DOK2: variants seen among roughly 807,000 people sequenced by gnomAD.
DOK2 encodes the protein docking protein 2, 56kD.
Under a neutral mutation model 26.0 loss-of-function variants are expected in DOK2, and 28 were observed. That is an observed-to-expected ratio of 1.08 (90% CI 0.80 to 1.48). The LOEUF (loss-of-function observed/expected upper bound fraction) is 1.48. Ranked by LOEUF, DOK2 falls within the 40% of genes most tolerant of loss-of-function variation. DOK2 has a pLI of 0.00. For missense variants in DOK2, 682 were observed against 558.2 expected (o/e 1.22, Z -2.23); for synonymous variants, 282 against 236.9 (o/e 1.19, Z -1.75).
chr8:21,910,664 C>T lies in DOK2; in HGVS notation c.618+9G>A. 3 of 1,613,814 alleles carry T rather than the reference C, an allele frequency of 1.9e-6. No individual in the cohort carries two copies. Among genetic ancestry groups the T allele is most frequent in the Non-Finnish European group, 2.5e-6 (3 of 1,180,006 alleles). Reference sequence around the variant, plus strand: ...CTCTCAACCTGCCCTGATGCAGCTTCCCACTCACCTTGTCCCGCCCAAAGC... The same window carrying T: ...CTCTCAACCTGCCCTGATGCAGCTTTCCACTCACCTTGTCCCGCCCAAAGC... On this transcript the variant is annotated intron_variant, in intron 4 of 4. Transcript: ENST00000276420.
At chr8:21,913,129 A>G (rs1809921944) in intron 1 of DOK2, among the ~76,000 whole-genome samples, 1 of 152,058 alleles carries the variant, frequency 6.6e-6, no homozygotes, top group South Asian at 2.1e-4. Flanking sequence ...CCCCAGCCCA[A>G]GCTGAACACC....
At position 21,912,373 on chromosome 8, in the gene DOK2, C is replaced by G. The variant is rs1415886334; in HGVS notation, c.201G>C (p.Arg67=). 6.2e-7 allele frequency: 1 copy of G among 1,605,498 alleles called. No individual in the cohort carries two copies. Among genetic ancestry groups the G allele is most frequent in the Non-Finnish European group, 8.5e-7 (1 of 1,177,540 alleles). ...RKVIRLSDCL[R]VAEAGGEASS... is the part of the protein sequence containing the mutation. ...TGGCCTCTCCGCCGGCCTCGGCCAC[C>G]CGCAGGCAGTCACTGAGGCGGATGA... Residue 67 remains arginine (R), a synonymous_variant, in exon 2 of 5, where the codon CGG becomes CGC. Transcript: ENST00000276420.
chr8:21,909,611 GTTC>G lies in DOK2; in HGVS notation c.936_938del (p.Lys312del). ...GAGGGACTGCCAAGATGCCCCTGAA[GTTC>G]TTCCCCAAGGAACGGGCCACCGCAT... On this transcript the variant is annotated inframe_deletion, in exon 5 of 5. Coordinates refer to ENST00000276420, the MANE Select transcript of DOK2 (RefSeq NM_003974.4). 6.2e-7 allele frequency: 1 copy of G among 1,613,890 alleles called. No individual in the cohort carries two copies. The highest frequency in any genetic ancestry group is 2.2e-5 in the East Asian group (1 of 44,882).
At chr8:21,912,659 A>G (rs1809906145) in intron 1 of DOK2, 149 bp from the exon 2 acceptor site, 1 of 743,796 alleles carries the variant, frequency 1.3e-6, no homozygotes, top group Non-Finnish European at 2.1e-6. Context: ...CATGAGACCC[A>G]GGGAGGCAGA....
rs568152896 is a variant in DOK2, at chr8:21,912,473, G to A, written c.101C>T (p.Ser34Leu). Residue 34 changes from serine (S) to leucine (L), a missense_variant, in exon 2 of 5, where the codon TCG (serine) becomes TTG (leucine). By Grantham distance (145) the Ser-to-Leu change is moderately radical. Transcript: ENST00000276420. ...CTCCAGCCGGGCCAAGGCGCAGTCC[G>A]ACCCTCCATACAGTGAGGCGCCGAA... ...RRFGASLYGG[S>L]DCALARLELQ... The A allele has an allele frequency of 3.5e-5, 54 of 1,560,912 alleles. No homozygotes were observed. Among genetic ancestry groups the A allele is most frequent in the Non-Finnish European group, 4.1e-5 (47 of 1,155,380 alleles).
intron 4 of DOK2, 110 bp downstream of exon 4, chr8:21,910,563 T>A (rs1208196784): frequency 7.2e-7 from 1 of 1,380,022 alleles, no homozygotes; most frequent in Non-Finnish European, 1.0e-6. Context: ...ATTCTTTGCT[T>A]CACTCCATCT....
Position 21,912,408 on chromosome 8 carries a change from C to T in DOK2, c.166G>A (p.Ala56Thr). 1 of 1,590,288 alleles carries T rather than the reference C, an allele frequency of 6.3e-7. No homozygotes were observed. The highest frequency in any genetic ancestry group is 8.5e-7 in the Non-Finnish European group (1 of 1,170,148). ...GPEKPRRCEAARKVIRLSDCL... is the reference protein window; with the variant it reads ...GPEKPRRCEATRKVIRLSDCL... The stretch of plus-strand genomic sequence containing the variant: ...TCACTGAGGCGGATGACCTTCCGGG[C>T]AGCCTCACACCGACGAGGCTTCTCC... The change falls in exon 2 of 5, where the codon GCC (alanine) becomes ACC (threonine). Residue 56 changes from alanine to threonine, a missense_variant. Ala to Thr is a moderately conservative substitution (Grantham distance 58). Coordinates refer to ENST00000276420, the MANE Select transcript of DOK2 (RefSeq NM_003974.4).
At position 21,909,565 on chromosome 8, in the gene DOK2, G is replaced by C; in HGVS notation, c.985C>G (p.Leu329Val). The C allele has an allele frequency of 6.2e-7, 1 of 1,614,170 alleles. No individual in the cohort carries two copies. Among genetic ancestry groups the C allele is most frequent in the Non-Finnish European group, 8.5e-7 (1 of 1,180,042 alleles). ...AGGGTCTCCTCAATGCTGTCGTACA[G>C]AGGGTCGGCCAGGAGCTGAGGAGGG... ...AVPPQLLADP[L>V]YDSIEETLPP... The change falls in exon 5 of 5, where the codon CTG becomes GTG. Residue 329 changes from leucine to valine, a missense_variant. Transcript: ENST00000276420.
Position 21,909,729 on chromosome 8 carries a change from G to A in DOK2, c.821C>T (p.Pro274Leu), listed in dbSNP as rs34215892. ...LPRPDSPYSR[P>L]HDSLPPPSPT... ...TGAAGGCGGCGGCAGTGAGTCATGC[G>A]GCCGAGAGTAGGGGCTATCAGGCCG... Residue 274 changes from proline to leucine, a missense_variant, in exon 5 of 5, where the codon CCG (proline) becomes CTG (leucine). Physicochemically the swap from Pro to Leu is moderately conservative, Grantham distance 98. Transcript: ENST00000276420. 39,799 of 1,613,584 alleles carry A rather than the reference G, an allele frequency of 0.025. 559 individuals are homozygous for A. Among genetic ancestry groups the A allele is most frequent in the Non-Finnish European group, 0.029 (34,741 of 1,180,008 alleles).
At chr8:21,910,270 G>A (rs573743692) in intron 4 of DOK2, among the ~76,000 whole-genome samples, 1 of 151,918 alleles carries the variant, frequency 6.6e-6, no homozygotes, top group Non-Finnish European at 1.5e-5. Context: ...ACGAGCCACC[G>A]CGCCCAGCTA....
chr8:21,911,133 C>A, intron 3 of DOK2: 1 of 457,574 alleles, frequency 2.2e-6, no homozygotes, highest in Non-Finnish European at 3.9e-6. Context: ...CCCCTGTCGC[C>A]AGAGCCACAG....
chr8:21,909,400 C>A lies in DOK2; in HGVS notation c.1150G>T (p.Val384Phe). ...GAGAAATCCTGCCCGGCTGGCTGGA[C>A]ATGCTGGAGGCCAGCAGGGTCCCTG... ...ADRDPAGLQH[V>F]QPAGQDFSAS... Residue 384 changes from valine (V) to phenylalanine (F), a missense_variant, in exon 5 of 5, where the codon GTC (valine) becomes TTC (phenylalanine). Physicochemically the swap from Val to Phe is conservative, Grantham distance 50 (BLOSUM62 -1). Transcript: ENST00000276420. 1 of 1,605,520 alleles carries A rather than the reference C, an allele frequency of 6.2e-7. No homozygotes were observed. Among genetic ancestry groups the A allele is most frequent in the Non-Finnish European group, 8.5e-7 (1 of 1,175,016 alleles).
At chr8:21,913,479 C>T in intron 1 of DOK2, 60 bp downstream of exon 1, 1 of 1,602,866 alleles carries the variant, frequency 6.2e-7, no homozygotes, top group Non-Finnish European at 8.5e-7. Flanking sequence ...CCTCTCCAAC[C>T]CAGGAATTCT....
Position 21,909,200 on chromosome 8 carries a change from A to G in DOK2, c.*111T>C. 1 of 1,337,010 alleles carries G rather than the reference A, an allele frequency of 7.5e-7. No homozygotes were observed. 82.8% of individuals were successfully genotyped at this position (1,337,010 alleles called of 1,614,324 possible). On this transcript the variant is annotated 3_prime_UTR_variant, in exon 5 of 5. Transcript: ENST00000276420. ...GCAATTTATCAGCCCCAACGAAGAC[A>G]GGCCAGGCCTCGGGCTCCAGAAGGG...
intron 4 of DOK2, 85 bp downstream of exon 4, chr8:21,910,588 C>T: frequency 6.5e-7 from 1 of 1,536,066 alleles, no homozygotes; most frequent in Admixed American, 1.9e-5. Flanking sequence ...CTCCTGGTCT[C>T]TCCCATCCCC....
In DOK2 at chr8:21,909,282, G is replaced by T. The variant is rs545656865; in HGVS notation, c.*29C>A. On this transcript the variant is annotated 3_prime_UTR_variant, in exon 5 of 5. Coordinates refer to ENST00000276420, the MANE Select transcript of DOK2 (RefSeq NM_003974.4). ...GAGGAGTCACCAGCAGAAGCCAAGG[G>T]GCGGTGGACCATCCCTCTGCTGCCT... 6.6e-7 allele frequency: 1 copy of T among 1,517,126 alleles called. No homozygotes were observed. Among genetic ancestry groups the T allele is most frequent in the Non-Finnish European group, 8.8e-7 (1 of 1,133,508 alleles). 94.0% of individuals were successfully genotyped at this position (1,517,126 alleles called of 1,614,324 possible). A position where few individuals can be genotyped will look rare whatever the true frequency, so the allele number is the denominator to read the frequency against.
Position 21,912,318 on chromosome 8 carries a change from G to T in DOK2, c.256C>A (p.Leu86Met), listed in dbSNP as rs1374106048. The T allele has an allele frequency of 1.9e-6, 3 of 1,606,252 alleles. No individual in the cohort carries two copies. The highest frequency in any genetic ancestry group is 2.5e-6 in the Non-Finnish European group (3 of 1,178,000). Residue 86 changes from leucine to methionine, a missense_variant, in exon 2 of 5, where the codon CTG becomes ATG. Physicochemically the swap from Leu to Met is conservative, Grantham distance 15. Coordinates refer to ENST00000276420, the MANE Select transcript of DOK2 (RefSeq NM_003974.4). ...SSPRDTSAFF[L>M]ETKERLYLLA... is the part of the protein sequence containing the mutation. ...AGGTACAGGCGCTCCTTGGTCTCCAGGAAGAAGGCACTGGTGTCCCGGGGG... is the reference window on the plus strand; with the variant it reads ...AGGTACAGGCGCTCCTTGGTCTCCATGAAGAAGGCACTGGTGTCCCGGGGG...
rs1024524264 is a variant in DOK2 at position 21,908,945 on chromosome 8, C to G, written c.*366G>C. On this transcript the variant is annotated 3_prime_UTR_variant, in exon 5 of 5. Coordinates refer to ENST00000276420, the MANE Select transcript of DOK2 (RefSeq NM_003974.4). Reference sequence around the variant, plus strand: ...AAGCTGCCGCCATCCCCCTGGGTGCCTGGGCCCAGGCTGTCCCTGAAGTGG... The same window carrying G: ...AAGCTGCCGCCATCCCCCTGGGTGCGTGGGCCCAGGCTGTCCCTGAAGTGG... 7 of 183,590 alleles carry G rather than the reference C, an allele frequency of 3.8e-5. No homozygotes were observed. In the East Asian group the frequency reaches 1.0e-3, roughly 26 times the overall value. 11.4% of individuals were successfully genotyped at this position (183,590 alleles called of 1,614,324 possible).
At position 21,909,148 on chromosome 8, in the gene DOK2, T is replaced by G; in HGVS notation, c.*163A>C. The G allele has an allele frequency of 1.3e-6, 1 of 781,328 alleles. No individual in the cohort carries two copies. The highest frequency in any genetic ancestry group is 2.0e-6 in the Non-Finnish European group (1 of 491,536). 48.4% of individuals were successfully genotyped at this position (781,328 alleles called of 1,614,324 possible). A position where few individuals can be genotyped will look rare whatever the true frequency, so the allele number is the denominator to read the frequency against. ...GGGCACCCTTCCTGCTTTGGGATGG[T>G]GACTCACCCAGCAGGCCCTGGGAGA... On this transcript the variant is annotated 3_prime_UTR_variant, in exon 5 of 5. Coordinates refer to ENST00000276420, the MANE Select transcript of DOK2 (RefSeq NM_003974.4).
Sources: allele counts gnomAD v4.1 joint callset (sites outside exome capture counted in the v4.1 genomes callset), GRCh38; gene constraint gnomAD v4.1.1; transcripts MANE v1.5; gene names NCBI Gene and HGNC (gene_info 2026-07-23, HGNC 2026-07-21).